Variants in ALPK2 observed in about 807,000 individuals in gnomAD.
ALPK2 encodes the protein alpha kinase 2.
In ALPK2, 127 loss-of-function variants were observed where a neutral mutation model predicts 163.1. The observed-to-expected ratio is 0.78, with a 90% CI of 0.67 to 0.90. The LOEUF (loss-of-function observed/expected upper bound fraction) is 0.90, where lower values mean the gene tolerates loss of function less well. Among genes scored for constraint, ALPK2 ranks in the 40% least tolerant of loss-of-function variants. The pLI is 0.00. For missense variants in ALPK2, 2,360 were observed against 2,589.6 expected, an observed-to-expected ratio of 0.91 and a Z score of 1.92; for synonymous variants, 953 against 959.1, an observed-to-expected ratio of 0.99 and a Z score of 0.12.
At chr18:58,530,309 A>G (rs1243982292) in intron 5 of ALPK2, among the ~76,000 whole-genome samples, 1 of 152,230 alleles carries the variant, frequency 6.6e-6, no homozygotes, top group Admixed American at 6.5e-5. Flanking sequence ...TCTTTCAACC[A>G]GAGAGTAACC....
At chr18:58,570,534 C>T (rs2051880515) in intron 4 of ALPK2, among the ~76,000 whole-genome samples, 1 of 152,204 alleles carries the variant, frequency 6.6e-6, no homozygotes, top group Admixed American at 6.5e-5. Context: ...TCTGCTGATA[C>T]TTAAAACACA....
chr18:58,580,332 C>A lies in ALPK2; in HGVS notation c.444G>T (p.Lys148Asn), dbSNP rs202083409. The A allele has an allele frequency of 1.2e-6, 2 of 1,614,102 alleles. No homozygotes were observed. Among genetic ancestry groups the A allele is most frequent in the Non-Finnish European group, 8.5e-7 (1 of 1,180,022 alleles). The change falls in exon 4 of 13, where the codon AAG (lysine) becomes AAT (asparagine). Residue 148 changes from lysine to asparagine, a missense_variant. Transcript: ENST00000361673. ...NQIDEKEHPY[K>N]EEESISPGTP... Reference sequence around the variant, plus strand: ...TGCCCGGGGAGATGCTTTCTTCTTCCTTATAAGGATGTTCCTTCTCATCAA... The same window carrying A: ...TGCCCGGGGAGATGCTTTCTTCTTCATTATAAGGATGTTCCTTCTCATCAA...
intron 4 of ALPK2, among the ~76,000 whole-genome samples, chr18:58,543,808 C>T (rs2051703765): frequency 6.6e-6 from 1 of 152,196 alleles, no homozygotes; most frequent in African/African-American, 2.4e-5. Context: ...CAGGGTCCCA[C>T]AGTCAAAGGC....
At chr18:58,504,897 A>G (rs1254711899) in intron 10 of ALPK2, among the ~76,000 whole-genome samples, 2 of 152,136 alleles carry the variant, frequency 1.3e-5, no homozygotes, top group African/African-American at 4.8e-5. Context: ...TCCAGGTCGA[A>G]GGCACCCCAA....
intron 4 of ALPK2, chr18:58,544,588 G>A (rs1367206545): frequency 6.6e-6 from 1 of 152,218 alleles, no homozygotes; most frequent in Non-Finnish European, 1.5e-5. Flanking sequence ...ATAGCCAAGT[G>A]GATGAAACTT....
chr18:58,625,613 C>A (rs1180959430), intron 1 of ALPK2, among the ~76,000 whole-genome samples: 1 of 152,218 alleles, frequency 6.6e-6, no homozygotes, highest in South Asian at 2.1e-4. Flanking sequence ...AGTTTAAGAA[C>A]CGCTGGACTC....
At chr18:58,529,434 T>C (rs988226918) in intron 5 of ALPK2, among the ~76,000 whole-genome samples, 196 bp from the exon 6 acceptor site, 1 of 152,228 alleles carries the variant, frequency 6.6e-6, no homozygotes, top group African/African-American at 2.4e-5. Context: ...TAGAAAATGC[T>C]CACTTCCATT....
intron 12 of ALPK2, among the ~76,000 whole-genome samples, chr18:58,485,130 C>T (rs1234625203): frequency 2.0e-5 from 3 of 152,188 alleles, no homozygotes; most frequent in South Asian, 2.1e-4. Context: ...AGGTCCTGTG[C>T]ACAAATTGCA....
chr18:58,553,850 G>GTTTTTTTTTT (rs71173061), intron 4 of ALPK2, among the ~76,000 whole-genome samples: 7 of 74,008 alleles, frequency 9.5e-5, no homozygotes, highest in Non-Finnish European at 1.6e-4. Context: ...TTTTTTTTTG[G>GTTTTTTTTTT]TTTTTTTTTT....
At position 58,535,873 on chromosome 18, in the gene ALPK2, G is replaced by A. The variant is rs543350348; in HGVS notation, c.4314C>T (p.Asp1438=). 42 of 1,614,182 alleles carry A rather than the reference G, an allele frequency of 2.6e-5. No individual in the cohort carries two copies. In the Admixed American group the frequency reaches 2.8e-4, roughly 11 times the overall value. Residue 1438 remains aspartate (D), a synonymous_variant, in exon 5 of 13, where the codon GAC becomes GAT. Transcript: ENST00000361673. ...TTTCCGCTTCGTGGCCCATGTTTCC[G>A]TCATTTGATTGACCCCCTTCTCTGG... ...QGAREGGQSN[D]GNMGHEAEIQ...
chr18:58,553,850 GTTTTTTTTTTTTTT>G (rs71173061), intron 4 of ALPK2, among the ~76,000 whole-genome samples: 8 of 74,008 alleles, frequency 1.1e-4, no homozygotes, highest in East Asian at 9.9e-4. Flanking sequence ...TTTTTTTTTG[GTTTTTTTTTTTTTT>G]TTTTTTTTTT....
At chr18:58,616,818 C>A (rs576352656) in intron 1 of ALPK2, among the ~76,000 whole-genome samples, 42 of 152,286 alleles carry the variant, frequency 2.8e-4, no homozygotes, top group African/African-American at 9.9e-4. Context: ...GGCAAATTAA[C>A]CCCAAGAGGT....
At chr18:58,513,075 GTGTT>G (rs985037598) in intron 10 of ALPK2, among the ~76,000 whole-genome samples, 7 of 142,174 alleles carry the variant, frequency 4.9e-5, no homozygotes, top group Middle Eastern at 3.9e-3. Context: ...TGAGTGTTGT[GTGTT>G]TGTGTGTGGT....
At chr18:58,510,845 A>G (rs1375999583) in intron 10 of ALPK2, among the ~76,000 whole-genome samples, 1 of 152,164 alleles carries the variant, frequency 6.6e-6, no homozygotes, top group Admixed American at 6.5e-5. Flanking sequence ...GGACAATTTG[A>G]CTTTCTCTTT....
chr18:58,597,809 G>A lies in ALPK2; in HGVS notation c.227+9513C>T, dbSNP rs377588043. Among the ~76,000 whole-genome samples, 3 of 152,328 alleles carry A rather than the reference G, an allele frequency of 2.0e-5. No individual in the cohort carries two copies. The East Asian group carries it at 5.8e-4, about 29-fold the overall frequency. ...GATGGTATTTGGAGGCAGGGCCTCT[G>A]GGAGGTGATATGGTTTAGATGAGGT... is the stretch of plus-strand genomic sequence containing the variant. On this transcript the variant is annotated intron_variant, in intron 3 of 12. Transcript: ENST00000361673.
At chr18:58,590,849 G>A (rs1359922269) in intron 3 of ALPK2, among the ~76,000 whole-genome samples, 1 of 152,196 alleles carries the variant, frequency 6.6e-6, no homozygotes, top group Non-Finnish European at 1.5e-5. Context: ...CCTCAGAGCT[G>A]TGTCTCTCCC....
chr18:58,482,089 C>A (rs758103700), intron 12 of ALPK2, 50 bp from the exon 13 acceptor site: 3 of 1,426,214 alleles, frequency 2.1e-6, no homozygotes, highest in Non-Finnish European at 2.0e-6. Context: ...AGGACACTTT[C>A]ATCAGTTTAA....
At chr18:58,492,146 G>GACACAC (rs60280063) in intron 12 of ALPK2, among the ~76,000 whole-genome samples, 197 of 151,428 alleles carry the variant, frequency 1.3e-3, no homozygotes, top group African/African-American at 4.3e-3. Flanking sequence ...GGTCTCTTTA[G>GACACAC]ACACACACAC....
intron 4 of ALPK2, chr18:58,545,184 A>C (rs2051711025): frequency 6.6e-6 from 1 of 151,472 alleles, no homozygotes; most frequent in Non-Finnish European, 1.5e-5. Flanking sequence ...CTGGAATGAC[A>C]CACAGACTTT....
Sources: allele counts gnomAD v4.1 joint callset (sites outside exome capture counted in the v4.1 genomes callset), GRCh38; gene constraint gnomAD v4.1.1; transcripts MANE v1.5; gene names NCBI Gene and HGNC (gene_info 2026-07-23, HGNC 2026-07-21).